The following ESRRG variants were observed in gnomAD, a reference collection of about 807,000 sequenced individuals.
The protein encoded by ESRRG is estrogen related receptor gamma, also known as estrogen-related receptor gamma.
Under a neutral mutation model 44.0 loss-of-function variants are expected in ESRRG, and 13 were observed. That is an observed-to-expected ratio of 0.30 (90% confidence interval 0.19 to 0.47). The LOEUF (loss-of-function observed/expected upper bound fraction) is 0.47. Ranked by LOEUF, ESRRG falls within the 20% of genes least tolerant of loss-of-function variation. The pLI is 1.00. For missense variants in ESRRG, 395 were observed against 580.6 expected, an observed-to-expected ratio of 0.68 and a Z score of 3.29; for synonymous variants, 215 against 214.6, an observed-to-expected ratio of 1.00 and a Z score of -0.02.
At chr1:217,091,419 C>T (rs1444620225), upstream of ESRRG, among the ~76,000 whole-genome samples, 1 of 152,116 alleles carries the variant, frequency 6.6e-6, no homozygotes, top group African/African-American at 2.4e-5. Flanking sequence ...TTTGAGAGGT[C>T]GGATAAGTTT....
At chr1:217,029,674 G>A (rs1229715839) in intron 1 of ESRRG, among the ~76,000 whole-genome samples, 1 of 152,152 alleles carries the variant, frequency 6.6e-6, no homozygotes, top group Admixed American at 6.5e-5. Flanking sequence ...ATAGTCTTGA[G>A]CCAGAATATT....
intron 1 of ESRRG, chr1:216,715,019 C>T: frequency 1.1e-6 from 1 of 923,896 alleles, no homozygotes; most frequent in Non-Finnish European, 1.3e-6. Context: ...TGTTCCTCAC[C>T]TCCCTTTGCT....
At chr1:216,618,072 G>C (rs1179158908) in intron 3 of ESRRG, among the ~76,000 whole-genome samples, 1 of 152,124 alleles carries the variant, frequency 6.6e-6, no homozygotes, top group East Asian at 1.9e-4. Flanking sequence ...ACTTATTAGA[G>C]TATCAGTAAT....
intron 2 of ESRRG, among the ~76,000 whole-genome samples, chr1:216,919,012 A>G (rs927845908): frequency 1.3e-5 from 2 of 152,060 alleles, no homozygotes; most frequent in Non-Finnish European, 2.9e-5. Flanking sequence ...AAAAATATTA[A>G]TGATAATACT....
At chr1:217,010,582 A>G (rs975732817) in intron 1 of ESRRG, among the ~76,000 whole-genome samples, 7 of 152,212 alleles carry the variant, frequency 4.6e-5, no homozygotes, top group Non-Finnish European at 8.8e-5. Context: ...CATATATGCC[A>G]TGCATCAAGC....
At chr1:216,758,593 A>G (rs2092596576) in intron 2 of ESRRG, among the ~76,000 whole-genome samples, 1 of 151,762 alleles carries the variant, frequency 6.6e-6, no homozygotes, top group African/African-American at 2.4e-5. Context: ...TCTACAGTAT[A>G]TTTATTTGTT....
chr1:216,883,405 A>G (rs1412298480), intron 2 of ESRRG, among the ~76,000 whole-genome samples: 6 of 150,556 alleles, frequency 4.0e-5, no homozygotes, highest in African/African-American at 1.5e-4. Context: ...AAAAAAAAAA[A>G]AAAAAAAAAG....
At chr1:216,742,466 C>G (rs1170633558) in intron 2 of ESRRG, among the ~76,000 whole-genome samples, 1 of 152,050 alleles carries the variant, frequency 6.6e-6, no homozygotes, top group African/African-American at 2.4e-5. Context: ...CAAGAACTAC[C>G]TGGTTCATCT....
At chr1:216,885,693 A>T (rs1218513903) in intron 2 of ESRRG, among the ~76,000 whole-genome samples, 1 of 151,722 alleles carries the variant, frequency 6.6e-6, no homozygotes, top group Non-Finnish European at 1.5e-5. Context: ...TTCTGAGATC[A>T]TTTTAGATTC....
intron 2 of ESRRG, among the ~76,000 whole-genome samples, chr1:216,880,836 A>T (rs979114539): frequency 6.6e-6 from 1 of 152,206 alleles, no homozygotes; most frequent in Non-Finnish European, 1.5e-5. Flanking sequence ...AAAGTTTTCA[A>T]TGAAAGACAA....
chr1:217,029,283 G>C (rs2081677820), intron 1 of ESRRG, among the ~76,000 whole-genome samples: 1 of 152,204 alleles, frequency 6.6e-6, no homozygotes, highest in South Asian at 2.1e-4. Context: ...TTGATTAGCA[G>C]TCGTTTTTTA....
chr1:216,672,301 C>A (rs1236431240), intron 2 of ESRRG, among the ~76,000 whole-genome samples: 1 of 152,158 alleles, frequency 6.6e-6, no homozygotes, highest in African/African-American at 2.4e-5. Flanking sequence ...TTCTACCCAA[C>A]TAAATGCTGA....
intron 6 of ESRRG, among the ~76,000 whole-genome samples, chr1:216,510,829 G>A (rs1053090268): frequency 3.3e-5 from 5 of 151,996 alleles, no homozygotes; most frequent in African/African-American, 1.2e-4. Flanking sequence ...AGCTGAGATC[G>A]CGCCACTGCA....
chr1:216,681,193 C>T (rs1240112603), intron 1 of ESRRG, among the ~76,000 whole-genome samples: 1 of 152,180 alleles, frequency 6.6e-6, no homozygotes, highest in African/African-American at 2.4e-5. Context: ...AGCTAACTAA[C>T]TCCCTTCCCA....
chr1:216,874,618 T>C (rs2096317436), intron 2 of ESRRG, among the ~76,000 whole-genome samples: 1 of 152,184 alleles, frequency 6.6e-6, no homozygotes, highest in African/African-American at 2.4e-5. Context: ...TTTATCATTT[T>C]AGCATATAAC....
chr1:216,694,399 T>G (rs573338226), intron 1 of ESRRG, among the ~76,000 whole-genome samples: 1 of 151,978 alleles, frequency 6.6e-6, no homozygotes, highest in Non-Finnish European at 1.5e-5. Flanking sequence ...AGAAGTCCAT[T>G]GGGGCCAGAT....
chr1:216,676,902 TG>T (rs898551892), intron 2 of ESRRG, among the ~76,000 whole-genome samples, 173 bp downstream of exon 2: 13 of 152,222 alleles, frequency 8.5e-5, no homozygotes, highest in African/African-American at 3.1e-4. Flanking sequence ...GGAGTATATC[TG>T]GGGGGATTTT....
intron 1 of ESRRG, among the ~76,000 whole-genome samples, chr1:217,118,232 C>G (rs72743324): frequency 0.079 from 12,045 of 152,208 alleles, 605 homozygotes; most frequent in Non-Finnish European, 0.12. Context: ...AGAAATTAAC[C>G]CAAACAGTCT....
intron 2 of ESRRG, among the ~76,000 whole-genome samples, chr1:216,841,267 AG>A (rs1368013663): frequency 1.3e-5 from 2 of 152,072 alleles, no homozygotes; most frequent in Non-Finnish European, 2.9e-5. Context: ...ACGCACACTC[AG>A]GGTAGACTCC....
Sources: gnomAD v4.1 joint callset for allele counts (sites outside exome capture counted in the v4.1 genomes callset) on GRCh38, gnomAD v4.1.1 for gene constraint, MANE v1.5 for transcripts, NCBI Gene and HGNC (gene_info 2026-07-23, HGNC 2026-07-21) for gene names.